The following MAPK10 variants were observed in gnomAD, a reference collection of about 807,000 sequenced individuals.
MAPK10 encodes the protein JNK3 alpha protein kinase.
In MAPK10, 25 loss-of-function variants were observed where a neutral mutation model predicts 59.3. That is an observed-to-expected ratio of 0.42 (90% CI 0.31 to 0.59). The LOEUF (loss-of-function observed/expected upper bound fraction) is 0.59, where lower values mean the gene tolerates loss of function less well. MAPK10 is among the 20% of genes least tolerant of loss of function. The pLI is 0.15. For missense variants in MAPK10, 351 were observed against 568.9 expected, an observed-to-expected ratio of 0.62 and a Z score of 3.90; for synonymous variants, 190 against 200.5, an observed-to-expected ratio of 0.95 and a Z score of 0.44.
chr4:86,184,728 G>A (rs2077751092), intron 3 of MAPK10, among the ~76,000 whole-genome samples: 1 of 152,020 alleles, frequency 6.6e-6, no homozygotes, highest in South Asian at 2.1e-4. Context: ...CGTGTGAGAT[G>A]CCTGCTCCTC....
chr4:86,377,540 G>A (rs1044055357), intron 1 of MAPK10, among the ~76,000 whole-genome samples: 1 of 152,210 alleles, frequency 6.6e-6, no homozygotes, highest in African/African-American at 2.4e-5. Context: ...AGTTTCATGA[G>A]AGCAGGGACC....
rs931717282 is a variant in MAPK10, at chr4:86,532,947, T to C, written c.-263+60963A>G. ...CTTTGTGTTGGCTACCACAGTATCC[T>C]ACCTCTACTAATGACTTTGCATATT... On this transcript the variant is annotated intron_variant, in intron 1 of 4. Coordinates refer to the MAPK10 transcript ENST00000502302. 1.2e-4 allele frequency among the ~76,000 whole-genome samples: 19 copies of C among 152,196 alleles called. 1 individual carries two copies. The highest frequency in any genetic ancestry group is 4.6e-4 in the African/African-American group (19 of 41,452).
chr4:86,329,214 T>C (rs7687972), intron 2 of MAPK10, among the ~76,000 whole-genome samples: 106,852 of 151,956 alleles, frequency 0.7, 38,814 homozygotes, highest in South Asian at 0.9. Context: ...TATTCTGTTA[T>C]AGAAGCACAA....
intron 1 of MAPK10, among the ~76,000 whole-genome samples, chr4:86,405,049 T>C (rs1744194608): frequency 6.6e-6 from 1 of 152,174 alleles, no homozygotes; most frequent in Admixed American, 6.5e-5. Flanking sequence ...GCGCACTCTA[T>C]AGGTATTAGC....
chr4:86,504,802 A>G lies in MAPK10; in HGVS notation c.-263+89108T>C, dbSNP rs528393057. Reference sequence around the variant, plus strand: ...TGCCTAAGAGCTGGCAATAAGACACATGATGACTGGCTGGGGTGAGGAATG... The same window carrying G: ...TGCCTAAGAGCTGGCAATAAGACACGTGATGACTGGCTGGGGTGAGGAATG... On this transcript the variant is annotated intron_variant, in intron 1 of 4. Coordinates refer to the MAPK10 transcript ENST00000502302. Among the ~76,000 whole-genome samples the G allele has an allele frequency of 2.0e-3, 306 of 152,304 alleles. 1 individual carries two copies. The highest frequency in any genetic ancestry group is 7.1e-3 in the African/African-American group (296 of 41,566).
chr4:86,564,314 C>T (rs932300327), intron 1 of MAPK10, among the ~76,000 whole-genome samples: 9 of 152,106 alleles, frequency 5.9e-5, no homozygotes, highest in Non-Finnish European at 5.9e-5. Context: ...TGAACAGTCT[C>T]CTGGCCATGG....
chr4:86,390,714 C>G (rs1339511570), intron 1 of MAPK10, among the ~76,000 whole-genome samples: 1 of 152,180 alleles, frequency 6.6e-6, no homozygotes, highest in Non-Finnish European at 1.5e-5. Context: ...CACACATCAC[C>G]CTTTTATGTC....
At chr4:86,112,514 T>C (rs1439866617) in intron 4 of MAPK10, among the ~76,000 whole-genome samples, 3 of 152,202 alleles carry the variant, frequency 2.0e-5, no homozygotes, top group Non-Finnish European at 2.9e-5. Context: ...TTTCTCGTAG[T>C]TGTGTGGTTT....
At chr4:86,213,605 TG>T (rs2149358262) in intron 2 of MAPK10, among the ~76,000 whole-genome samples, 1 of 152,130 alleles carries the variant, frequency 6.6e-6, no homozygotes, top group East Asian at 1.9e-4. Flanking sequence ...ACAAATTGCT[TG>T]AACTAAATGA....
chr4:86,113,622 G>A (rs1401324316), intron 4 of MAPK10, among the ~76,000 whole-genome samples: 3 of 152,050 alleles, frequency 2.0e-5, no homozygotes, highest in African/African-American at 7.2e-5. Flanking sequence ...AGGTGACCTG[G>A]CCTTTCTCTT....
At chr4:86,250,664 T>C (rs1365276509) in intron 2 of MAPK10, among the ~76,000 whole-genome samples, 1 of 152,018 alleles carries the variant, frequency 6.6e-6, no homozygotes, top group Non-Finnish European at 1.5e-5. Flanking sequence ...TATTATGGAA[T>C]CAAGAAAATG....
intron 1 of MAPK10, among the ~76,000 whole-genome samples, chr4:86,566,253 AC>A (rs1761051591): frequency 6.6e-6 from 1 of 152,200 alleles, no homozygotes; most frequent in South Asian, 2.1e-4. Context: ...AGAAATTAGA[AC>A]CAAAAAGTAC....
chr4:86,581,573 T>C (rs1691097320), intron 1 of MAPK10, among the ~76,000 whole-genome samples: 1 of 151,966 alleles, frequency 6.6e-6, no homozygotes, highest in African/African-American at 2.4e-5. Flanking sequence ...ATCGATGATA[T>C]TTCAATCATG....
intron 11 of MAPK10, among the ~76,000 whole-genome samples, chr4:86,059,215 G>A (rs963821721): frequency 3.9e-5 from 6 of 152,074 alleles, no homozygotes; most frequent in Admixed American, 6.6e-5. Context: ...ACAAGAAGAT[G>A]GATAAAATAA....
intron 1 of MAPK10, among the ~76,000 whole-genome samples, chr4:86,544,550 T>TAA (rs2149096628): frequency 6.6e-6 from 1 of 152,340 alleles, no homozygotes; most frequent in African/African-American, 2.4e-5. Context: ...AAGTGTCACC[T>TAA]GTTTACAAAC....
At chr4:86,165,474 C>T (rs1311304244) in intron 3 of MAPK10, among the ~76,000 whole-genome samples, 2 of 150,316 alleles carry the variant, frequency 1.3e-5, no homozygotes, top group Non-Finnish European at 2.9e-5. Context: ...AACTCCTGAG[C>T]TCAAGCAATC....
chr4:86,427,338 C>T lies in MAPK10; in HGVS notation c.-122+25692G>A, dbSNP rs549311409. Among the ~76,000 whole-genome samples the T allele has an allele frequency of 7.4e-4, 113 of 151,928 alleles. 1 individual carries two copies. The highest frequency in any genetic ancestry group is 3.1e-3 in the South Asian group (15 of 4,812). On this transcript the variant is annotated intron_variant, in intron 1 of 13. Coordinates refer to the MAPK10 transcript ENST00000361569. ...AAGTCAATGCAGATTATCTATGTCA[C>T]TCTCTCAACGATGCAACGTTCACCT...
rs528869496 is a variant in MAPK10 at position 86,312,752 on chromosome 4, C to A, written c.-7+41778G>T. On this transcript the variant is annotated intron_variant, in intron 2 of 13. Transcript: ENST00000641462. ...AGGAGTGTTTTGTAATCAGAAGAAT[C>A]CAGCATCAGACAGTCCGACCAGACA... is the stretch of plus-strand genomic sequence containing the variant. Among the ~76,000 whole-genome samples, 5 of 152,130 alleles carry A rather than the reference C, an allele frequency of 3.3e-5. No individual in the cohort carries two copies. In the South Asian group the frequency reaches 8.3e-4, roughly 25 times the overall value.
chr4:86,021,414 CAG>C (rs1415946552), intron 13 of MAPK10, among the ~76,000 whole-genome samples: 2 of 152,076 alleles, frequency 1.3e-5, no homozygotes, highest in African/African-American at 4.8e-5. Context: ...CAGCTAAATA[CAG>C]AGTGTCGATT....
Sources: allele counts gnomAD v4.1 joint callset (sites outside exome capture counted in the v4.1 genomes callset), GRCh38; gene constraint gnomAD v4.1.1; transcripts MANE v1.5; gene names NCBI Gene and HGNC (gene_info 2026-07-23, HGNC 2026-07-21).